Variants in TBC1D1 observed in about 807,000 individuals in gnomAD.
The protein encoded by TBC1D1 is TBC1 domain family member 1.
A neutral mutation model predicts 125.6 loss-of-function variants in TBC1D1; 89 were observed. The ratio of observed to expected loss-of-function variants is 0.71; its 90% confidence interval spans 0.60 to 0.85. The LOEUF is 0.85. TBC1D1 is among the 40% of genes least tolerant of loss of function. TBC1D1 has a pLI of 0.00. For synonymous variants in TBC1D1, 565 were observed against 564.1 expected (o/e 1.00, Z -0.02); for missense variants, 1,377 against 1,469.2 (o/e 0.94, Z 1.03).
chr4:38,116,731 C>CA (rs2152574259), intron 16 of TBC1D1, among the ~76,000 whole-genome samples: 1 of 152,290 alleles, frequency 6.6e-6, no homozygotes, highest in African/African-American at 2.4e-5. Context: ...TGCTGCCTGT[C>CA]AGAGGGAAAA....
At chr4:38,048,723 A>G in intron 10 of TBC1D1, among the ~76,000 whole-genome samples, 1 of 152,154 alleles carries the variant, frequency 6.6e-6, no homozygotes, top group East Asian at 1.9e-4. Context: ...AAGCTGCTAC[A>G]ATTCCTCTTT....
chr4:37,917,463 A>G (rs1423786383), intron 2 of TBC1D1, among the ~76,000 whole-genome samples: 2 of 152,220 alleles, frequency 1.3e-5, no homozygotes, highest in African/African-American at 4.8e-5. Context: ...CGACAGAGCT[A>G]GACACCATCT....
Position 38,118,301 on chromosome 4 carries a change from G to C in TBC1D1, c.2962+109G>C, listed in dbSNP as rs888825992. 5.3e-6 allele frequency: 7 copies of C among 1,315,220 alleles called. No individual in the cohort carries two copies. In the African/African-American group the frequency reaches 7.4e-5, roughly 14 times the overall value. 81.5% of individuals were successfully genotyped at this position (1,315,220 alleles called of 1,614,324 possible). A position where few individuals can be genotyped will look rare whatever the true frequency, so the allele number is the denominator to read the frequency against. Reference sequence around the variant, plus strand: ...ATTTTTATACCTGTAGCTCTTACCAGAACAGGGTATTGTTTGATAGTCTAA... The same window carrying C: ...ATTTTTATACCTGTAGCTCTTACCACAACAGGGTATTGTTTGATAGTCTAA... On this transcript the variant is annotated intron_variant, in intron 17 of 19. Coordinates refer to ENST00000261439, the MANE Select transcript of TBC1D1 (RefSeq NM_015173.4).
At chr4:38,035,461 C>T in intron 7 of TBC1D1, 127 bp from the exon 8 acceptor site, 1 of 659,650 alleles carries the variant, frequency 1.5e-6, no homozygotes, top group South Asian at 2.1e-5. Flanking sequence ...ATCATTGGTG[C>T]CCCCTGGTGA....
In TBC1D1 at chr4:37,980,184, T is replaced by A. The variant is rs564750595; in HGVS notation, c.418-34325T>A. On this transcript the variant is annotated intron_variant, in intron 2 of 19. Coordinates refer to ENST00000261439, the MANE Select transcript of TBC1D1 (RefSeq NM_015173.4). ...AGGAATAAAGCCAAAACGGGAGAGT[T>A]TTGTTTTAAAGAGATTATCTGTTTA... is the stretch of plus-strand genomic sequence containing the variant. Among the ~76,000 whole-genome samples, 3 of 152,246 alleles carry A rather than the reference T, an allele frequency of 2.0e-5. No individual in the cohort carries two copies. In the East Asian group the frequency reaches 5.8e-4, roughly 29 times the overall value.
rs190728821 is a variant in TBC1D1, at chr4:38,037,732, C to T, written c.1413+2034C>T. Among the ~76,000 whole-genome samples the T allele has an allele frequency of 3.3e-5, 5 of 152,294 alleles. No homozygotes were observed. In the East Asian group the frequency reaches 7.7e-4, roughly 23 times the overall value. On this transcript the variant is annotated intron_variant, in intron 8 of 19. Coordinates refer to ENST00000261439, the MANE Select transcript of TBC1D1 (RefSeq NM_015173.4). ...TCAGAAGCGGACAGAGGACAGTGAG[C>T]GCTTCTCTCAGTGCTGTGCGTGTCA...
At chr4:38,043,934 G>A (rs533045117) in intron 8 of TBC1D1, among the ~76,000 whole-genome samples, 14 of 152,270 alleles carry the variant, frequency 9.2e-5, no homozygotes, top group East Asian at 7.7e-4. Flanking sequence ...TTTCTACCAC[G>A]CTGTGTTCAA....
At chr4:38,091,116 C>T (rs902235112) in intron 13 of TBC1D1, among the ~76,000 whole-genome samples, 7 of 152,160 alleles carry the variant, frequency 4.6e-5, no homozygotes, top group East Asian at 1.9e-4. Flanking sequence ...ACACTGTGTA[C>T]GAGCAACATA....
chr4:38,089,902 A>G, intron 12 of TBC1D1, 30 bp from the exon 15 acceptor site: 1 of 1,535,328 alleles, frequency 6.5e-7, no homozygotes, highest in South Asian at 1.3e-5. Context: ...TTGAAAAATG[A>G]CAATTCTGGA....
chr4:37,930,909 A>G (rs887182082), intron 2 of TBC1D1, among the ~76,000 whole-genome samples: 1 of 152,244 alleles, frequency 6.6e-6, no homozygotes, highest in African/African-American at 2.4e-5. Context: ...TGAGAAAGGT[A>G]GAGAAAATCT....
chr4:38,003,757 A>C, intron 2 of TBC1D1, among the ~76,000 whole-genome samples: 1 of 151,934 alleles, frequency 6.6e-6, no homozygotes. Context: ...AGTTCCAGCT[A>C]CTTGGGAGGC....
At chr4:38,057,659 A>G (rs1489810500) in intron 12 of TBC1D1, among the ~76,000 whole-genome samples, 6 of 152,290 alleles carry the variant, frequency 3.9e-5, no homozygotes, top group Admixed American at 3.9e-4. Flanking sequence ...AAGAATTAAT[A>G]TAATAATAGC....
At chr4:37,960,717 G>T (rs1360818340) in intron 2 of TBC1D1, 1 of 1,614,168 alleles carries the variant, frequency 6.2e-7, no homozygotes, top group Non-Finnish European at 8.5e-7. Flanking sequence ...AAAGATGACC[G>T]AGAAGACTGT....
intron 2 of TBC1D1, among the ~76,000 whole-genome samples, chr4:37,983,334 C>A (rs1046633069): frequency 1.3e-5 from 2 of 151,846 alleles, no homozygotes; most frequent in Admixed American, 6.6e-5. Context: ...AGGATGGTCT[C>A]GATCTCCTGA....
intron 6 of TBC1D1, among the ~76,000 whole-genome samples, chr4:38,024,888 A>G (rs1281511310): frequency 1.3e-5 from 2 of 152,230 alleles, no homozygotes; most frequent in Non-Finnish European, 2.9e-5. Context: ...TTTCTTAATC[A>G]GTAAGTGTAG....
chr4:38,015,352 T>C (rs1273792505), intron 3 of TBC1D1, among the ~76,000 whole-genome samples: 1 of 152,236 alleles, frequency 6.6e-6, no homozygotes, highest in African/African-American at 2.4e-5. Context: ...ATTAATATTT[T>C]TATTTATGAA....
At chr4:37,960,555 G>A (rs1359252736) in intron 2 of TBC1D1, 2 of 1,614,038 alleles carry the variant, frequency 1.2e-6, no homozygotes, top group Non-Finnish European at 1.7e-6. Context: ...GATATCTCAA[G>A]TTTTAACACG....
chr4:37,969,414 C>T (rs145668794), intron 2 of TBC1D1, among the ~76,000 whole-genome samples: 30 of 152,366 alleles, frequency 2.0e-4, no homozygotes, highest in African/African-American at 6.7e-4. Flanking sequence ...ACAATCTCGG[C>T]TCATGGCAAC....
intron 12 of TBC1D1, among the ~76,000 whole-genome samples, chr4:38,056,049 A>T (rs995862633): frequency 2.0e-5 from 3 of 152,190 alleles, no homozygotes; most frequent in Non-Finnish European, 2.9e-5. Context: ...GCCACAGATG[A>T]CTGCTTGCTC....
Sources: gnomAD v4.1 joint callset for allele counts (sites outside exome capture counted in the v4.1 genomes callset) on GRCh38, gnomAD v4.1.1 for gene constraint, MANE v1.5 for transcripts, NCBI Gene and HGNC (gene_info 2026-07-23, HGNC 2026-07-21) for gene names.